Variants in CDH13 observed in about 807,000 individuals in gnomAD.
The protein encoded by CDH13 is cadherin-13.
CDH13 carries 24 observed loss-of-function variants against 63.8 expected under a neutral mutation model. The observed-to-expected ratio is 0.38, with a 90% CI of 0.27 to 0.53. CDH13 has a LOEUF of 0.53. Among genes scored for constraint, CDH13 ranks in the 20% least tolerant of loss-of-function variants. CDH13 has a pLI of 0.85. For missense variants in CDH13, 1,049 were observed against 903.1 expected (o/e 1.16, Z -2.07); for synonymous variants, 503 against 355.3 (o/e 1.42, Z -4.67).
intron 3 of CDH13, among the ~76,000 whole-genome samples, chr16:83,060,896 A>G (rs1006990305): frequency 2.0e-5 from 3 of 152,072 alleles, no homozygotes; most frequent in African/African-American, 7.2e-5. Flanking sequence ...AACTGGTACT[A>G]CTTGATAATA....
chr16:83,606,917 A>G (rs1449616867), intron 8 of CDH13, among the ~76,000 whole-genome samples: 3 of 152,002 alleles, frequency 2.0e-5, no homozygotes, highest in Non-Finnish European at 4.4e-5. Flanking sequence ...TGAGAAGAAC[A>G]AAGGAGAACC....
intron 6 of CDH13, chr16:83,396,772 G>GATA (rs964183732): frequency 9.9e-5 from 15 of 151,594 alleles, no homozygotes; most frequent in African/African-American, 3.4e-4. Flanking sequence ...TGATGATGAT[G>GATA]ATGATAGGAA....
At chr16:83,746,563 C>G (rs185270) in intron 10 of CDH13, among the ~76,000 whole-genome samples, 24,795 of 152,060 alleles carry the variant, frequency 0.16, 2,341 homozygotes, top group Non-Finnish European at 0.21. Context: ...TGCTCCAAGC[C>G]CTTCAGTTGG....
intron 3 of CDH13, among the ~76,000 whole-genome samples, chr16:83,049,990 TAATGCTACAAA>T (rs747425625): frequency 2.0e-5 from 3 of 152,224 alleles, no homozygotes; most frequent in Admixed American, 6.5e-5. Flanking sequence ...TTAGTAATAA[TAATGCTACAAA>T]AACGTTGTAT....
chr16:83,168,046 T>G (rs952904266), intron 4 of CDH13, among the ~76,000 whole-genome samples: 1 of 151,826 alleles, frequency 6.6e-6, no homozygotes, highest in Non-Finnish European at 1.5e-5. Context: ...TGGGGACTAC[T>G]AGAGTGGGGA....
At chr16:83,180,185 A>G (rs1281954095) in intron 4 of CDH13, among the ~76,000 whole-genome samples, 1 of 152,024 alleles carries the variant, frequency 6.6e-6, no homozygotes, top group Non-Finnish European at 1.5e-5. Flanking sequence ...TTTTATTAGG[A>G]AAACATTCTC....
intron 1 of CDH13, among the ~76,000 whole-genome samples, chr16:82,801,055 A>G (rs905332715): frequency 2.6e-5 from 4 of 152,144 alleles, no homozygotes; most frequent in Admixed American, 6.6e-5. Flanking sequence ...AGTGTTTACA[A>G]ATTTTTCAAG....
intron 5 of CDH13, among the ~76,000 whole-genome samples, chr16:83,250,624 C>G (rs1276960099): frequency 6.6e-6 from 1 of 152,050 alleles, no homozygotes; most frequent in Non-Finnish European, 1.5e-5. Flanking sequence ...TTGGAGTAAT[C>G]AAGAAATAGA....
intron 6 of CDH13, among the ~76,000 whole-genome samples, chr16:83,361,577 T>C (rs776521433): frequency 1.3e-5 from 2 of 152,230 alleles, no homozygotes; most frequent in Non-Finnish European, 2.9e-5. Context: ...TAAATTTGAA[T>C]ATTTAATGCA....
intron 7 of CDH13, among the ~76,000 whole-genome samples, chr16:83,557,231 G>A (rs998014212): frequency 4.6e-5 from 7 of 152,162 alleles, no homozygotes; most frequent in Non-Finnish European, 1.0e-4. Context: ...ATCACCCCCA[G>A]ATGAGACCAT....
intron 10 of CDH13, among the ~76,000 whole-genome samples, chr16:83,722,687 C>T (rs1293471537): frequency 6.6e-6 from 1 of 152,162 alleles, no homozygotes; most frequent in Admixed American, 6.5e-5. Flanking sequence ...CTGTCCCACA[C>T]CCTCGCAAGG....
intron 7 of CDH13, among the ~76,000 whole-genome samples, chr16:83,565,837 T>C (rs1904276413): frequency 6.6e-6 from 1 of 152,236 alleles, no homozygotes; most frequent in South Asian, 2.1e-4. Context: ...TTTATTATTT[T>C]CTGATAACTT....
intron 1 of CDH13, chr16:82,844,835 TTAGTG>T (rs1257916222): frequency 6.6e-6 from 1 of 150,544 alleles, no homozygotes; most frequent in East Asian, 2.0e-4. Flanking sequence ...TTTTGTATCT[TTAGTG>T]GAGATGGAAT....
chr16:83,373,886 G>A (rs2091416378), intron 6 of CDH13, among the ~76,000 whole-genome samples: 1 of 152,138 alleles, frequency 6.6e-6, no homozygotes, highest in Non-Finnish European at 1.5e-5. Context: ...GAGACCACCA[G>A]CATGGGATAC....
intron 2 of CDH13, among the ~76,000 whole-genome samples, chr16:82,911,271 G>A (rs2041820825): frequency 6.6e-6 from 1 of 152,218 alleles, no homozygotes; most frequent in Non-Finnish European, 1.5e-5. Context: ...CTGCAAAAGA[G>A]TCAGATTCAG....
At chr16:83,030,003 G>T (rs1358900348) in intron 2 of CDH13, among the ~76,000 whole-genome samples, 3 of 152,188 alleles carry the variant, frequency 2.0e-5, no homozygotes, top group Admixed American at 2.0e-4. Flanking sequence ...ATAATGAGTT[G>T]TGATACCCAT....
intron 7 of CDH13, among the ~76,000 whole-genome samples, chr16:83,578,897 CT>C (rs1184315191): frequency 6.6e-6 from 1 of 152,188 alleles, no homozygotes; most frequent in African/African-American, 2.4e-5. Context: ...CAAACTGAGG[CT>C]TAGTGAGGTT....
chr16:82,729,983 T>C (rs1567474312), intron 1 of CDH13, among the ~76,000 whole-genome samples: 1 of 152,210 alleles, frequency 6.6e-6, no homozygotes, highest in East Asian at 1.9e-4. Context: ...TCTTCTGTAG[T>C]TCCTTACCTC....
intron 6 of CDH13, among the ~76,000 whole-genome samples, chr16:83,409,438 C>G (rs1256802701): frequency 6.6e-6 from 1 of 152,170 alleles, no homozygotes. Flanking sequence ...AGACCCGGGG[C>G]TATGACTAGG....
Sources: allele counts gnomAD v4.1 joint callset (sites outside exome capture counted in the v4.1 genomes callset), GRCh38; gene constraint gnomAD v4.1.1; transcripts MANE v1.5; gene names NCBI Gene and HGNC (gene_info 2026-07-23, HGNC 2026-07-21).